The following JAK2 variants were observed in gnomAD, a reference collection of about 807,000 sequenced individuals.
The protein encoded by JAK2 is Janus kinase 2, also known as tyrosine-protein kinase JAK2.
A neutral mutation model predicts 139.3 loss-of-function variants in JAK2; 86 were observed. The ratio of observed to expected loss-of-function variants is 0.62; its 90% CI spans 0.52 to 0.74. JAK2 has a LOEUF of 0.74. Ranked by LOEUF, JAK2 falls within the 30% of genes least tolerant of loss-of-function variation. The pLI is 0.00. For synonymous variants in JAK2, 490 were observed against 437.7 expected, an observed-to-expected ratio of 1.12 and a Z score of -1.49; for missense variants, 1,421 against 1,360.3, an observed-to-expected ratio of 1.04 and a Z score of -0.70.
At chr9:5,111,012 G>A (rs955108048) in intron 22 of JAK2, 3 of 752,916 alleles carry the variant, frequency 4.0e-6, no homozygotes, top group Non-Finnish European at 6.7e-6. Flanking sequence ...CCAACGGGAA[G>A]GGCCGGCCCG....
chr9:5,009,793 C>CA (rs1821566260), intron 2 of JAK2, among the ~76,000 whole-genome samples: 1 of 150,350 alleles, frequency 6.7e-6, no homozygotes, highest in African/African-American at 2.4e-5. Context: ...TTTTTGCAGT[C>CA]ACAGTCTTGC....
At position 5,126,451 on chromosome 9, in the gene JAK2, C is replaced by T; in HGVS notation, c.3291+5C>T. ...CCAGATGGATGCCCAGATGAGGTAA[C>T]AATTTTTTTTTAATCCAGGGTAGTC... is the stretch of plus-strand genomic sequence containing the variant. On this transcript the variant is annotated splice_donor_5th_base_variant and intron_variant, in intron 24 of 24. Coordinates refer to ENST00000381652, the MANE Select transcript of JAK2 (RefSeq NM_004972.4). The T allele has an allele frequency of 6.3e-7, 1 of 1,576,904 alleles. No individual in the cohort carries two copies. Among genetic ancestry groups the T allele is most frequent in the Non-Finnish European group, 8.7e-7 (1 of 1,152,132 alleles).
intron 8 of JAK2, among the ~76,000 whole-genome samples, chr9:5,057,021 G>A (rs1468128149): frequency 2.0e-5 from 3 of 152,190 alleles, no homozygotes; most frequent in East Asian, 3.9e-4. Context: ...CATTTTGTTG[G>A]AATTGTGCAA....
chr9:5,054,559 C>G lies in JAK2; in HGVS notation c.615-4C>G, dbSNP rs769772592. Reference sequence around the variant, plus strand: ...TTTTTCTGTATGTGCTTTTTTATCCCTAGCTACAAGACATTCTTACCAAAA... The same window carrying G: ...TTTTTCTGTATGTGCTTTTTTATCCGTAGCTACAAGACATTCTTACCAAAA... On this transcript the variant is annotated splice_polypyrimidine_tract_variant and splice_region_variant and intron_variant, in intron 6 of 24. Transcript: ENST00000381652. This position sits in a 1 kb window ranked among gnomAD's most constrained non-coding sequence, Gnocchi z 4.9. The G allele has an allele frequency of 5.8e-6, 9 of 1,548,402 alleles. No individual in the cohort carries two copies. Among genetic ancestry groups the G allele is most frequent in the Non-Finnish European group, 3.5e-6 (4 of 1,146,762 alleles).
At chr9:5,035,579 A>G (rs1301887824) in intron 4 of JAK2, among the ~76,000 whole-genome samples, 2 of 152,242 alleles carry the variant, frequency 1.3e-5, no homozygotes, top group African/African-American at 2.4e-5. Flanking sequence ...CTGGTTCAAC[A>G]TATGCAAATC....
chr9:5,043,609 T>C (rs1191928989), intron 4 of JAK2, among the ~76,000 whole-genome samples: 3 of 152,176 alleles, frequency 2.0e-5, no homozygotes, highest in Non-Finnish European at 2.9e-5. Flanking sequence ...ATATATGCAA[T>C]AGAAATGAAA....
At chr9:5,039,315 T>TA (rs1319273159) in intron 4 of JAK2, among the ~76,000 whole-genome samples, 1 of 152,170 alleles carries the variant, frequency 6.6e-6, no homozygotes, top group East Asian at 1.9e-4. Flanking sequence ...ACTGAACATG[T>TA]ACAGACTTTT....
intron 2 of JAK2, among the ~76,000 whole-genome samples, chr9:5,000,787 G>A (rs1820882680): frequency 6.6e-6 from 1 of 152,174 alleles, no homozygotes; most frequent in Non-Finnish European, 1.5e-5. Flanking sequence ...ATTTGTATAT[G>A]TATTAAGTAA....
At chr9:5,085,034 G>A in intron 19 of JAK2, 1 of 804,552 alleles carries the variant, frequency 1.2e-6, no homozygotes, top group Non-Finnish European at 2.1e-6. Flanking sequence ...AAAGTTGAAT[G>A]AGGGCGTCTC....
At chr9:5,116,570 G>A (rs1823191204) in intron 22 of JAK2, among the ~76,000 whole-genome samples, 1 of 152,108 alleles carries the variant, frequency 6.6e-6, no homozygotes, top group South Asian at 2.1e-4. Flanking sequence ...AATAAAATTA[G>A]CTGGCAATCA....
At chr9:5,083,861 G>C (rs907543750) in intron 19 of JAK2, among the ~76,000 whole-genome samples, 21 of 152,070 alleles carry the variant, frequency 1.4e-4, no homozygotes, top group Non-Finnish European at 1.8e-4. Context: ...CGTTCCATTT[G>C]TTGTAGTCTC....
intron 16 of JAK2, among the ~76,000 whole-genome samples, chr9:5,079,090 A>T (rs1331311513): frequency 1.3e-5 from 2 of 152,230 alleles, no homozygotes; most frequent in East Asian, 3.8e-4. Flanking sequence ...TTAAGCTAAT[A>T]GTACTTAAAC....
intron 22 of JAK2, among the ~76,000 whole-genome samples, chr9:5,104,986 T>G (rs1452404671): frequency 6.6e-6 from 1 of 152,196 alleles, no homozygotes; most frequent in Non-Finnish European, 1.5e-5. Flanking sequence ...GCATTCCCTT[T>G]GAAAACTGGC....
At chr9:5,119,786 A>T (rs540957139) in intron 22 of JAK2, among the ~76,000 whole-genome samples, 1 of 152,306 alleles carries the variant, frequency 6.6e-6, no homozygotes, top group African/African-American at 2.4e-5. Context: ...CAAAATTTTC[A>T]TATGTACTTA....
chr9:5,060,118 T>C (rs1818057800), intron 8 of JAK2, among the ~76,000 whole-genome samples: 1 of 152,292 alleles, frequency 6.6e-6, no homozygotes, highest in Non-Finnish European at 1.5e-5. Flanking sequence ...TGCAACAGCA[T>C]TATGTCTTAA....
At chr9:5,126,272 T>G in intron 23 of JAK2, 61 bp from the exon 24 acceptor site, 1 of 1,227,546 alleles carries the variant, frequency 8.1e-7, no homozygotes, top group African/African-American at 1.5e-5. Flanking sequence ...TGGAGGAAAT[T>G]GAGAAAGAAT....
rs1289873718 is a variant in JAK2 at position 5,080,222 on chromosome 9, T to A, written c.2132-7T>A. 6.2e-7 allele frequency: 1 copy of A among 1,605,456 alleles called. No homozygotes were observed. Among genetic ancestry groups the A allele is most frequent in the South Asian group, 1.1e-5 (1 of 90,036 alleles). Reference sequence around the variant, plus strand: ...TTTAACCCTACTCTGTTCGTATCATTTAAAAGTTCTTCAGGAGAGAATACC... The same window carrying A: ...TTTAACCCTACTCTGTTCGTATCATATAAAAGTTCTTCAGGAGAGAATACC... On this transcript the variant is annotated splice_polypyrimidine_tract_variant and splice_region_variant and intron_variant, in intron 16 of 24. Transcript: ENST00000381652.
chr9:5,003,861 AG>A (rs1821093500), intron 2 of JAK2, among the ~76,000 whole-genome samples: 3 of 152,020 alleles, frequency 2.0e-5, no homozygotes, highest in Non-Finnish European at 4.4e-5. Context: ...AGAGTGAGGA[AG>A]TTTGCTTTTA....
chr9:5,076,986 A>AT lies in JAK2; in HGVS notation c.1865-461dup, dbSNP rs1177356330. ...ATAAAGCAGCGCAAAACATTTCTGTATTTTTTGCAGAATTAAAAGATTAAA... is the reference window on the plus strand; with the variant it reads ...ATAAAGCAGCGCAAAACATTTCTGTATTTTTTTGCAGAATTAAAAGATTAAA... On this transcript the variant is annotated intron_variant, in intron 14 of 24. Transcript: ENST00000381652. Among the ~76,000 whole-genome samples, 8 of 152,054 alleles carry AT rather than the reference A, an allele frequency of 5.3e-5. No individual in the cohort carries two copies. The South Asian group carries it at 1.0e-3, about 20-fold the overall frequency.
Sources: gnomAD v4.1 joint callset for allele counts (sites outside exome capture counted in the v4.1 genomes callset) on GRCh38, gnomAD v4.1.1 for gene constraint, Gnocchi (gnomAD v3.1) non-coding constraint, MANE v1.5 for transcripts, NCBI Gene and HGNC (gene_info 2026-07-23, HGNC 2026-07-21) for gene names.